The following GPR137B variants were observed in gnomAD, a reference collection of about 807,000 sequenced individuals.
GPR137B encodes G protein-coupled receptor 137B.
A neutral mutation model predicts 42.5 loss-of-function variants in GPR137B; 42 were observed. The observed-to-expected ratio is 0.99, with a 90% CI of 0.77 to 1.28. The LOEUF is 1.28. Among genes scored for constraint, GPR137B ranks in the 50% most tolerant of loss-of-function variants. The pLI, the probability that GPR137B is intolerant of heterozygous loss-of-function variation, is 0.00. For missense variants in GPR137B, 487 were observed against 493.9 expected, an observed-to-expected ratio of 0.99 and a Z score of 0.13; for synonymous variants, 218 against 209.7, an observed-to-expected ratio of 1.04 and a Z score of -0.34.
rs1005902332 is a variant in GPR137B, at chr1:236,152,059, A to G, written c.414+9023A>G. Among the ~76,000 whole-genome samples the G allele has an allele frequency of 2.0e-5, 3 of 152,158 alleles. No homozygotes were observed. The South Asian group carries it at 6.2e-4, about 32-fold the overall frequency. On this transcript the variant is annotated intron_variant, in intron 1 of 6. Transcript: ENST00000366592. ...TTTTCTGGGAAGACAGCACACATCT[A>G]TCCATGCGAGAGGGCCTCGTCCTCC...
chr1:236,206,001 T>G (rs1308285908), intron 6 of GPR137B, among the ~76,000 whole-genome samples: 11 of 152,226 alleles, frequency 7.2e-5, no homozygotes. Context: ...GCAGTAGTAT[T>G]TATTTATTAG....
chr1:236,143,333 C>A (rs1251571722), intron 1 of GPR137B, among the ~76,000 whole-genome samples: 1 of 152,268 alleles, frequency 6.6e-6, no homozygotes, highest in Admixed American at 6.5e-5. Flanking sequence ...CTTCTCCGTG[C>A]GCAGCGCGAA....
At chr1:236,196,497 G>C (rs1197363880) in intron 5 of GPR137B, among the ~76,000 whole-genome samples, 1 of 152,104 alleles carries the variant, frequency 6.6e-6, no homozygotes, top group African/African-American at 2.4e-5. Context: ...TGGGGAATAG[G>C]TAGTGTTTGG....
At chr1:236,169,909 G>A (rs148807525) in intron 2 of GPR137B, among the ~76,000 whole-genome samples, 211 of 152,044 alleles carry the variant, frequency 1.4e-3, no homozygotes, top group African/African-American at 4.7e-3. Context: ...GCGAGGTAGC[G>A]CACATCTGTT....
chr1:236,160,336 T>A (rs376798431), intron 1 of GPR137B, among the ~76,000 whole-genome samples: 6 of 152,186 alleles, frequency 3.9e-5, no homozygotes, highest in African/African-American at 1.4e-4. Context: ...ATTCAGTTCC[T>A]GATCGGGTTC....
At chr1:236,196,141 T>C (rs1314765709) in intron 5 of GPR137B, among the ~76,000 whole-genome samples, 2 of 152,148 alleles carry the variant, frequency 1.3e-5, no homozygotes, top group Non-Finnish European at 2.9e-5. Context: ...CATTTATTTT[T>C]ATTTTTATTT....
intron 2 of GPR137B, among the ~76,000 whole-genome samples, chr1:236,173,501 C>A (rs10924510): frequency 6.6e-6 from 1 of 151,816 alleles, no homozygotes; most frequent in Non-Finnish European, 1.5e-5. Flanking sequence ...TGCTTTACCC[C>A]TTGCTTCTGT....
intron 1 of GPR137B, 46 bp downstream of exon 1, chr1:236,143,082 TC>T: frequency 1.3e-6 from 2 of 1,529,712 alleles, no homozygotes; most frequent in Non-Finnish European, 8.8e-7. Context: ...GGCGGGGTGG[TC>T]CCCGCGGGGC....
At position 236,146,404 on chromosome 1, in the gene GPR137B, A is replaced by T. The variant is rs555066479; in HGVS notation, c.414+3368A>T. The stretch of plus-strand genomic sequence containing the variant: ...GAGGAAGAGAGGATGGTGGGAAGGA[A>T]GTCGTGGGGGCAGTTTGGGAATTGG... On this transcript the variant is annotated intron_variant, in intron 1 of 6. Transcript: ENST00000366592. 1.2e-4 allele frequency among the ~76,000 whole-genome samples: 18 copies of T among 152,264 alleles called. No individual in the cohort carries two copies. In the South Asian group the frequency reaches 3.3e-3, roughly 28 times the overall value.
intron 6 of GPR137B, among the ~76,000 whole-genome samples, chr1:236,206,840 G>C (rs1163103652): frequency 6.6e-6 from 1 of 152,224 alleles, no homozygotes; most frequent in Non-Finnish European, 1.5e-5. Context: ...AGGCCAGCAG[G>C]GGTGAGAGGA....
Position 236,156,959 on chromosome 1 carries a change from G to A in GPR137B, c.415-11747G>A, listed in dbSNP as rs1053274598. Reference sequence around the variant, plus strand: ...CTGTGCGTTTAGAATCATGGTTTGCGAACATAGATGAGGACTAATAATACC... The same window carrying A: ...CTGTGCGTTTAGAATCATGGTTTGCAAACATAGATGAGGACTAATAATACC... On this transcript the variant is annotated intron_variant, in intron 1 of 6. Transcript: ENST00000366592. This position sits in a 1 kb window ranked among gnomAD's most constrained non-coding sequence, Gnocchi z 4.8. 5.9e-5 allele frequency among the ~76,000 whole-genome samples: 9 copies of A among 152,178 alleles called. No homozygotes were observed. Among genetic ancestry groups the A allele is most frequent in the African/African-American group, 1.4e-4 (6 of 41,444 alleles).
In GPR137B at chr1:236,150,909, C is replaced by T. The variant is rs1453715111; in HGVS notation, c.414+7873C>T. Among the ~76,000 whole-genome samples, 2 of 152,154 alleles carry T rather than the reference C, an allele frequency of 1.3e-5. No individual in the cohort carries two copies. Among genetic ancestry groups the T allele is most frequent in the Non-Finnish European group, 2.9e-5 (2 of 68,038 alleles). ...TCTGAGCCCCAGGCTAGCTGCTCAG[C>T]GTTGAGTGGCGGGGAGTGGAGGGCA... On this transcript the variant is annotated intron_variant, in intron 1 of 6. Coordinates refer to ENST00000366592, the MANE Select transcript of GPR137B (RefSeq NM_003272.4). The surrounding 1 kb of genome is among the most constrained non-coding windows in gnomAD (Gnocchi z 6.2).
chr1:236,176,348 C>T (rs561413197), intron 2 of GPR137B, among the ~76,000 whole-genome samples: 80 of 152,246 alleles, frequency 5.3e-4, no homozygotes, highest in African/African-American at 1.8e-3. Flanking sequence ...GGGCACTGTT[C>T]CCATCCCACT....
intron 1 of GPR137B, among the ~76,000 whole-genome samples, chr1:236,145,916 G>T (rs1214766697): frequency 6.6e-6 from 1 of 152,116 alleles, no homozygotes; most frequent in Non-Finnish European, 1.5e-5. Context: ...GCCTTGCTTT[G>T]TGGTGATCTG....
chr1:236,166,431 C>T (rs913759339), intron 1 of GPR137B, among the ~76,000 whole-genome samples: 16 of 137,742 alleles, frequency 1.2e-4, no homozygotes, highest in African/African-American at 4.5e-4. Context: ...TCTATTGTGC[C>T]GTTACCAGAG....
chr1:236,169,304 G>A (rs1014173986), intron 2 of GPR137B, among the ~76,000 whole-genome samples: 6 of 152,132 alleles, frequency 3.9e-5, no homozygotes, highest in South Asian at 2.1e-4. Flanking sequence ...GGCCTTACCC[G>A]CCTTGTCTCA....
At chr1:236,204,893 G>GACTC (rs1457383871) in intron 5 of GPR137B, among the ~76,000 whole-genome samples, 1 of 152,142 alleles carries the variant, frequency 6.6e-6, no homozygotes, top group East Asian at 1.9e-4. Flanking sequence ...AAACAATGAT[G>GACTC]ACTCACTGTT....
intron 5 of GPR137B, among the ~76,000 whole-genome samples, chr1:236,199,262 T>C (rs1216939032): frequency 1.3e-5 from 2 of 152,212 alleles, no homozygotes; most frequent in Admixed American, 6.5e-5. Context: ...TTGATCATGG[T>C]GGATTATCTT....
At chr1:236,183,671 A>T in intron 4 of GPR137B, 107 bp from the exon 5 acceptor site, 1 of 699,596 alleles carries the variant, frequency 1.4e-6, no homozygotes, top group Non-Finnish European at 2.4e-6. Flanking sequence ...TAGGGGAATG[A>T]ATTGTACTAG....
Sources: allele counts gnomAD v4.1 joint callset (sites outside exome capture counted in the v4.1 genomes callset), GRCh38; gene constraint gnomAD v4.1.1; non-coding constraint Gnocchi (gnomAD v3.1); transcripts MANE v1.5; gene names NCBI Gene and HGNC (gene_info 2026-07-23, HGNC 2026-07-21).